The following GARS1 variants were observed in gnomAD, a reference collection of about 807,000 sequenced individuals.
GARS1 encodes the protein glycyl-tRNA synthetase 1, also known as glycine--tRNA ligase.
GARS1 carries 46 observed loss-of-function variants against 86.4 expected under a neutral mutation model. That is an observed-to-expected ratio of 0.53 (90% CI 0.42 to 0.68). GARS1 has a LOEUF of 0.68. GARS1 is among the 30% of genes least tolerant of loss of function. GARS1 has a pLI of 0.00. For synonymous variants in GARS1, 342 were observed against 329.8 expected (o/e 1.04, Z -0.40); for missense variants, 797 against 915.6 (o/e 0.87, Z 1.67).
At chr7:30,618,349 A>C (rs1782930970) in intron 10 of GARS1, among the ~76,000 whole-genome samples, 1 of 152,090 alleles carries the variant, frequency 6.6e-6, no homozygotes, top group South Asian at 2.1e-4. Context: ...AAATGTCCAA[A>C]CTGGCTGGGT....
intron 13 of GARS1, chr7:30,627,210 T>C (rs926307045): frequency 2.8e-6 from 1 of 362,570 alleles, no homozygotes; most frequent in African/African-American, 2.2e-5. Flanking sequence ...CCTTTCCTTT[T>C]GTTCTTGGCT....
At chr7:30,602,822 T>C (rs543245559) in intron 4 of GARS1, among the ~76,000 whole-genome samples, 2 of 152,336 alleles carry the variant, frequency 1.3e-5, no homozygotes, top group East Asian at 3.9e-4. Context: ...TTCTTTCTTA[T>C]GGGAAGGAAG....
chr7:30,599,970 T>C lies in GARS1; in HGVS notation c.348T>C (p.Asp116=). ...AGGAGCTGGCGTTACAGCCCAAAGATGATATTGTAGACCGAGCAAAAATGG... is the reference window on the plus strand; with the variant it reads ...AGGAGCTGGCGTTACAGCCCAAAGACGATATTGTAGACCGAGCAAAAATGG... The part of the protein sequence containing the change: ...EAKELALQPK[D]DIVDRAKMED... The change falls in exon 3 of 17, where the codon GAT becomes GAC. Residue 116 remains aspartate, a synonymous_variant. Transcript: ENST00000389266. 1.2e-6 allele frequency: 2 copies of C among 1,613,140 alleles called. No homozygotes were observed. Among genetic ancestry groups the C allele is most frequent in the Non-Finnish European group, 1.7e-6 (2 of 1,179,384 alleles).
chr7:30,599,307 T>A (rs1000720557), intron 2 of GARS1, among the ~76,000 whole-genome samples: 1 of 152,224 alleles, frequency 6.6e-6, no homozygotes, highest in African/African-American at 2.4e-5. Flanking sequence ...ACTTAAGTTG[T>A]TTTGGGGTTT....
chr7:30,601,282 C>T (rs1299604250), intron 4 of GARS1, 82 bp downstream of exon 4: 3 of 1,226,218 alleles, frequency 2.4e-6, no homozygotes, highest in Non-Finnish European at 3.4e-6. Context: ...ATCTAAATAA[C>T]TTCCTGATTA....
intron 4 of GARS1, among the ~76,000 whole-genome samples, chr7:30,602,272 G>T (rs564243576): frequency 1.0e-3 from 153 of 149,942 alleles, no homozygotes; most frequent in Middle Eastern, 7.1e-3. Context: ...TGTATTTTTA[G>T]TAGAGACGGG....
chr7:30,627,719 C>G (rs1783155155), intron 13 of GARS1, among the ~76,000 whole-genome samples: 1 of 152,212 alleles, frequency 6.6e-6, no homozygotes, highest in East Asian at 1.9e-4. Context: ...ACCCCAGAAC[C>G]TTGGTGATAC....
intron 15 of GARS1, among the ~76,000 whole-genome samples, chr7:30,631,747 G>T (rs543266082): frequency 4.5e-4 from 69 of 152,318 alleles, no homozygotes; most frequent in African/African-American, 1.5e-3. Flanking sequence ...TTTGAGTGAG[G>T]CAAGGTAGGA....
At chr7:30,625,850 A>G (rs1002716693) in intron 12 of GARS1, among the ~76,000 whole-genome samples, 2 of 152,246 alleles carry the variant, frequency 1.3e-5, no homozygotes, top group African/African-American at 2.4e-5. Flanking sequence ...TTGTTGGGAC[A>G]GTAATGAGAA....
intron 12 of GARS1, 128 bp downstream of exon 12, chr7:30,622,590 A>C: frequency 9.0e-7 from 1 of 1,106,852 alleles, no homozygotes; most frequent in Non-Finnish European, 1.4e-6. Flanking sequence ...TGCATTTAAA[A>C]GACTGTCTTT....
chr7:30,603,563 T>C lies in GARS1; in HGVS notation c.726T>C (p.Val242=), dbSNP rs750788816. The change falls in exon 6 of 17, where the codon GTT becomes GTC. Residue 242 remains valine, a synonymous_variant. Transcript: ENST00000389266. ...AAAAGAAATCAGAAATGGAAAGTGT[T>C]TTGGCCCAGGTGAGTACTCTAGAGA... ...SVEKKSEMES[V]LAQLDNYGQQ... is the part of the protein sequence containing the mutation. The C allele has an allele frequency of 6.2e-7, 1 of 1,613,438 alleles. No individual in the cohort carries two copies. Among genetic ancestry groups the C allele is most frequent in the Non-Finnish European group, 8.5e-7 (1 of 1,179,602 alleles).
intron 6 of GARS1, among the ~76,000 whole-genome samples, chr7:30,606,093 A>G (rs914908180): frequency 3.3e-5 from 5 of 151,994 alleles, no homozygotes; most frequent in African/African-American, 1.2e-4. Context: ...TATTGTAGTG[A>G]GGTTACACAT....
At chr7:30,598,328 C>G (rs924938490) in intron 1 of GARS1, among the ~76,000 whole-genome samples, 2 of 149,412 alleles carry the variant, frequency 1.3e-5, no homozygotes, top group Non-Finnish European at 3.0e-5. Flanking sequence ...GGGCAGAGAC[C>G]TTGATTCATA....
Position 30,633,894 on chromosome 7 carries a change from AAT to A in GARS1, c.*36_*37del, listed in dbSNP as rs1457422412. 7 of 1,496,646 alleles carry A rather than the reference AAT, an allele frequency of 4.7e-6. No homozygotes were observed. Among genetic ancestry groups the A allele is most frequent in the African/African-American group, 1.6e-5 (1 of 61,058 alleles). 92.7% of individuals were successfully genotyped at this position (1,496,646 alleles called of 1,614,324 possible). ...TTGACAACTTTTGACCACTTGCGCT[AAT>A]AAAAAAAAAAAAAAACTACTCTTAT... On this transcript the variant is annotated 3_prime_UTR_variant, in exon 17 of 17. Transcript: ENST00000389266.
At chr7:30,610,442 A>G (rs557873770) in intron 7 of GARS1, among the ~76,000 whole-genome samples, 9 of 152,308 alleles carry the variant, frequency 5.9e-5, no homozygotes, top group East Asian at 3.9e-4. Context: ...ATATTTTTCT[A>G]TGATAGGGTA....
rs539626299 is a variant in GARS1 at position 30,634,001 on chromosome 7, C to G, written c.*141C>G. 1 of 1,015,004 alleles carries G rather than the reference C, an allele frequency of 9.9e-7. No individual in the cohort carries two copies. The highest frequency in any genetic ancestry group is 1.6e-5 in the African/African-American group (1 of 61,134). The allele number at this position is 1,015,004 out of a possible 1,614,324, so 62.9% of individuals were successfully genotyped here. ...TCTTCAGTGGCTGCCTGATTTTACCCCCACAATTAAAGTTGAAGGAATCCT... is the reference window on the plus strand; with the variant it reads ...TCTTCAGTGGCTGCCTGATTTTACCGCCACAATTAAAGTTGAAGGAATCCT... On this transcript the variant is annotated 3_prime_UTR_variant, in exon 17 of 17. Coordinates refer to ENST00000389266, the MANE Select transcript of GARS1 (RefSeq NM_002047.4).
intron 12 of GARS1, among the ~76,000 whole-genome samples, chr7:30,625,354 G>C (rs1371774829): frequency 1.3e-5 from 2 of 152,226 alleles, no homozygotes; most frequent in Non-Finnish European, 2.9e-5. Flanking sequence ...TGCACACACA[G>C]ACTTCAGACA....
chr7:30,601,729 G>A (rs928864527), intron 4 of GARS1, among the ~76,000 whole-genome samples: 18 of 152,186 alleles, frequency 1.2e-4, no homozygotes, highest in Admixed American at 3.9e-4. Flanking sequence ...AAGTTTCAAT[G>A]CAGAAACTTA....
At chr7:30,599,746 A>G (rs1460726323) in intron 2 of GARS1, among the ~76,000 whole-genome samples, 1 of 152,204 alleles carries the variant, frequency 6.6e-6, no homozygotes, top group Admixed American at 6.5e-5. Context: ...TATTTTCCTA[A>G]ATGATTAAGT....
Sources: gnomAD v4.1 joint callset for allele counts (sites outside exome capture counted in the v4.1 genomes callset) on GRCh38, gnomAD v4.1.1 for gene constraint, MANE v1.5 for transcripts, NCBI Gene and HGNC (gene_info 2026-07-23, HGNC 2026-07-21) for gene names.